ROBO1: variants seen among roughly 807,000 people sequenced by gnomAD.
ROBO1 encodes the protein roundabout homolog 1.
Under a neutral mutation model 195.9 loss-of-function variants are expected in ROBO1, and 149 were observed. The ratio of observed to expected loss-of-function variants is 0.76; its 90% confidence interval spans 0.67 to 0.87. The LOEUF (loss-of-function observed/expected upper bound fraction) is 0.87. ROBO1 is among the 40% of genes least tolerant of loss of function. ROBO1 has a pLI of 0.00. For synonymous variants in ROBO1, 816 were observed against 733.2 expected (o/e 1.11, Z -1.82); for missense variants, 1,933 against 2,068.3 (o/e 0.93, Z 1.27).
At chr3:79,033,462 T>A (rs1379823207) in intron 3 of ROBO1, among the ~76,000 whole-genome samples, 2 of 152,148 alleles carry the variant, frequency 1.3e-5, no homozygotes, top group Non-Finnish European at 2.9e-5. Context: ...CCAACATTGT[T>A]ATATAATGGT....
At chr3:79,584,891 C>A (rs1410882190) in intron 2 of ROBO1, among the ~76,000 whole-genome samples, 1 of 151,620 alleles carries the variant, frequency 6.6e-6, no homozygotes, top group South Asian at 2.1e-4. Context: ...CAAGAGAACA[C>A]CCACCTGACA....
At chr3:79,589,416 G>C (rs1016229648) in intron 2 of ROBO1, among the ~76,000 whole-genome samples, 2 of 151,664 alleles carry the variant, frequency 1.3e-5, no homozygotes, top group African/African-American at 2.4e-5. Flanking sequence ...ACTACGCTAA[G>C]AAATGTCAGT....
At chr3:78,713,479 CA>C (rs1457013503) in intron 8 of ROBO1, among the ~76,000 whole-genome samples, 1 of 151,684 alleles carries the variant, frequency 6.6e-6, no homozygotes, top group African/African-American at 2.4e-5. Flanking sequence ...TATATACTGT[CA>C]AAACAGGAAT....
chr3:79,743,330 T>C (rs1209714219), intron 1 of ROBO1, among the ~76,000 whole-genome samples: 1 of 152,178 alleles, frequency 6.6e-6, no homozygotes, highest in Non-Finnish European at 1.5e-5. Flanking sequence ...TATAAACATA[T>C]CTAAACATAG....
At chr3:79,392,167 C>T (rs17016906) in intron 2 of ROBO1, among the ~76,000 whole-genome samples, 3,335 of 152,222 alleles carry the variant, frequency 0.022, 105 homozygotes, top group African/African-American at 0.074. Flanking sequence ...GAAGCAACCA[C>T]GGAATGGACA....
intron 2 of ROBO1, among the ~76,000 whole-genome samples, chr3:79,345,943 A>G (rs1354516946): frequency 6.6e-6 from 1 of 152,190 alleles, no homozygotes; most frequent in Non-Finnish European, 1.5e-5. Flanking sequence ...ATGAATTAAT[A>G]CAGCCCAGAT....
At chr3:79,514,790 G>GAACACATTTAAAATA (rs1940871956) in intron 2 of ROBO1, among the ~76,000 whole-genome samples, 1 of 152,050 alleles carries the variant, frequency 6.6e-6, no homozygotes, top group Non-Finnish European at 1.5e-5. Flanking sequence ...ACACTAAAAT[G>GAACACATTTAAAATA]AACACATTTA....
At chr3:79,406,471 C>CA (rs1281521028) in intron 2 of ROBO1, among the ~76,000 whole-genome samples, 1 of 151,544 alleles carries the variant, frequency 6.6e-6, no homozygotes, top group Non-Finnish European at 1.5e-5. Flanking sequence ...AAAACAGCAA[C>CA]AAAAAAATGC....
At chr3:79,696,372 C>A (rs1032507717) in intron 1 of ROBO1, among the ~76,000 whole-genome samples, 1 of 150,242 alleles carries the variant, frequency 6.7e-6, no homozygotes, top group African/African-American at 2.4e-5. Context: ...ACTAATAAAC[C>A]TTATTAAAAT....
intron 4 of ROBO1, among the ~76,000 whole-genome samples, chr3:78,910,122 T>G (rs2107530378): frequency 6.6e-6 from 1 of 151,958 alleles, no homozygotes; most frequent in East Asian, 1.9e-4. Flanking sequence ...TTCTTTATTT[T>G]GAATGCAAGA....
chr3:78,642,793 A>G (rs1359539235), intron 21 of ROBO1, among the ~76,000 whole-genome samples: 1 of 152,078 alleles, frequency 6.6e-6, no homozygotes, highest in East Asian at 1.9e-4. Flanking sequence ...CACACTCTTC[A>G]TTCTCTCTTT....
At chr3:79,383,329 T>C (rs2109382948) in intron 2 of ROBO1, among the ~76,000 whole-genome samples, 1 of 152,148 alleles carries the variant, frequency 6.6e-6, no homozygotes, top group South Asian at 2.1e-4. Flanking sequence ...TACTGAAAGG[T>C]TGATAGTAAA....
At position 78,714,642 on chromosome 3, in the gene ROBO1, G is replaced by A. The variant is rs561385124; in HGVS notation, c.918-118C>T. 5 of 927,238 alleles carry A rather than the reference G, an allele frequency of 5.4e-6. 1 individual carries two copies. The Admixed American group carries it at 1.8e-4, about 34-fold the overall frequency. The allele number at this position is 927,238 out of a possible 1,614,324, so 57.4% of individuals were successfully genotyped here. On this transcript the variant is annotated intron_variant, in intron 7 of 30. Coordinates refer to ENST00000464233, the MANE Select transcript of ROBO1 (RefSeq NM_002941.4). ...TTCTTTTCTGATAACTTAAAACAAA[G>A]AGTAAAACATGGTATTCCTCTAAGT...
chr3:79,226,372 A>T (rs1485749088), intron 2 of ROBO1, among the ~76,000 whole-genome samples: 2 of 152,136 alleles, frequency 1.3e-5, no homozygotes, highest in Non-Finnish European at 2.9e-5. Context: ...CATTTGACAG[A>T]GAAATCCTCT....
At chr3:78,712,977 C>T (rs2081801596) in intron 8 of ROBO1, among the ~76,000 whole-genome samples, 1 of 152,174 alleles carries the variant, frequency 6.6e-6, no homozygotes, top group African/African-American at 2.4e-5. Flanking sequence ...GATAGACACA[C>T]CTTTTCATGT....
intron 3 of ROBO1, among the ~76,000 whole-genome samples, chr3:79,069,849 G>C (rs35730576): frequency 3.4e-4 from 51 of 151,868 alleles, no homozygotes; most frequent in Non-Finnish European, 5.9e-4. Context: ...GAAAATAATA[G>C]TTATAATATT....
chr3:79,542,742 C>A (rs982344448), intron 2 of ROBO1, among the ~76,000 whole-genome samples: 2 of 151,958 alleles, frequency 1.3e-5, no homozygotes, highest in African/African-American at 2.4e-5. Flanking sequence ...AGCTAGTAAG[C>A]GGTTGAGCCA....
chr3:78,988,079 T>C lies in ROBO1; in HGVS notation c.173-49152A>G, dbSNP rs369111737. Among the ~76,000 whole-genome samples, 63 of 152,304 alleles carry C rather than the reference T, an allele frequency of 4.1e-4. 1 individual carries two copies. The highest frequency in any genetic ancestry group is 6.8e-3 in the Middle Eastern group (2 of 294). ...TAAATAGACATGGCAATGTCTTCTTTAGCATCATGGATAGTGAAATAATCT... is the reference window on the plus strand; with the variant it reads ...TAAATAGACATGGCAATGTCTTCTTCAGCATCATGGATAGTGAAATAATCT... On this transcript the variant is annotated intron_variant, in intron 3 of 30. Coordinates refer to ENST00000464233, the MANE Select transcript of ROBO1 (RefSeq NM_002941.4).
intron 2 of ROBO1, among the ~76,000 whole-genome samples, chr3:79,173,098 G>A (rs1441680037): frequency 6.6e-6 from 1 of 152,060 alleles, no homozygotes; most frequent in African/African-American, 2.4e-5. Flanking sequence ...GGGTTCAATG[G>A]TCACAAATAA....
Sources: allele counts gnomAD v4.1 joint callset (sites outside exome capture counted in the v4.1 genomes callset), GRCh38; gene constraint gnomAD v4.1.1; transcripts MANE v1.5; gene names NCBI Gene and HGNC (gene_info 2026-07-23, HGNC 2026-07-21).